Variants in LHFPL3 observed in about 807,000 individuals in gnomAD.
LHFPL3 encodes LHFPL tetraspan subfamily member 3.
A neutral mutation model predicts 19.3 loss-of-function variants in LHFPL3; 5 were observed. That is an observed-to-expected ratio of 0.26 (90% CI 0.14 to 0.54). The LOEUF is 0.54. Among genes scored for constraint, LHFPL3 ranks in the 20% least tolerant of loss-of-function variants. The pLI is 0.94. For missense variants in LHFPL3, 249 were observed against 307.4 expected (o/e 0.81, Z 1.42); for synonymous variants, 133 against 126.2 (o/e 1.05, Z -0.36).
At chr7:104,764,106 T>G (rs1166671575) in intron 2 of LHFPL3, among the ~76,000 whole-genome samples, 1 of 152,192 alleles carries the variant, frequency 6.6e-6, no homozygotes, top group Non-Finnish European at 1.5e-5. Flanking sequence ...TACAATGCAT[T>G]TTTAATTTTC....
chr7:104,811,166 C>CTTTCTTTTCT (rs1554346770), intron 2 of LHFPL3, among the ~76,000 whole-genome samples: 4 of 18,022 alleles, frequency 2.2e-4, no homozygotes, highest in Admixed American at 1.1e-3. Flanking sequence ...TTCTTTCTTT[C>CTTTCTTTTCT]TTTCTTTTCT....
intron 1 of LHFPL3, among the ~76,000 whole-genome samples, chr7:104,332,504 T>A (rs898547756): frequency 3.3e-5 from 5 of 152,166 alleles, no homozygotes; most frequent in Non-Finnish European, 7.4e-5. Flanking sequence ...GTGCTGGGAT[T>A]ACAGGCGTGA....
At chr7:104,461,027 CCTA>C (rs1167790161) in intron 1 of LHFPL3, among the ~76,000 whole-genome samples, 11 of 152,144 alleles carry the variant, frequency 7.2e-5, no homozygotes, top group African/African-American at 2.2e-4. Context: ...CTAATAAAGA[CCTA>C]CCAGAGAGTG....
At chr7:104,600,026 C>T (rs1790933335) in intron 1 of LHFPL3, among the ~76,000 whole-genome samples, 1 of 152,194 alleles carries the variant, frequency 6.6e-6, no homozygotes, top group Non-Finnish European at 1.5e-5. Flanking sequence ...TGCTAGAAGC[C>T]TCAGATGAGG....
At chr7:104,837,423 C>A (rs558954806) in intron 2 of LHFPL3, among the ~76,000 whole-genome samples, 6 of 152,270 alleles carry the variant, frequency 3.9e-5, no homozygotes, top group Admixed American at 6.5e-5. Context: ...ATCTTCCGCA[C>A]TAAACTATAT....
At chr7:104,678,518 A>C (rs965423131) in intron 1 of LHFPL3, among the ~76,000 whole-genome samples, 1 of 152,030 alleles carries the variant, frequency 6.6e-6, no homozygotes, top group Non-Finnish European at 1.5e-5. Flanking sequence ...TTTCCTGGCC[A>C]AACTTGGTGT....
chr7:104,763,071 T>A (rs2116376588), intron 2 of LHFPL3, among the ~76,000 whole-genome samples: 1 of 152,348 alleles, frequency 6.6e-6, no homozygotes, highest in African/African-American at 2.4e-5. Context: ...AATTCAGAAC[T>A]GTGATGATGC....
intron 2 of LHFPL3, among the ~76,000 whole-genome samples, chr7:104,839,687 A>T (rs1791159460): frequency 7.2e-6 from 1 of 139,212 alleles, no homozygotes; most frequent in African/African-American, 2.6e-5. Context: ...AAAAAAAAGA[A>T]AGAAAAAAAA....
At chr7:104,561,674 C>G (rs1297413851) in intron 1 of LHFPL3, among the ~76,000 whole-genome samples, 1 of 152,064 alleles carries the variant, frequency 6.6e-6, no homozygotes. Flanking sequence ...AGCATTTAGT[C>G]CATTTACATT....
intron 1 of LHFPL3, among the ~76,000 whole-genome samples, chr7:104,329,557 T>C (rs1801531983): frequency 6.6e-6 from 1 of 152,014 alleles, no homozygotes; most frequent in Non-Finnish European, 1.5e-5. Context: ...CTTAGAGAGA[T>C]GGGGCCGGGG....
intron 1 of LHFPL3, among the ~76,000 whole-genome samples, chr7:104,525,237 A>G (rs1489111037): frequency 6.6e-6 from 1 of 152,190 alleles, no homozygotes; most frequent in Non-Finnish European, 1.5e-5. Flanking sequence ...TTTTTAAACT[A>G]CTCATGTCAC....
At chr7:104,845,223 T>C (rs186942671) in intron 2 of LHFPL3, among the ~76,000 whole-genome samples, 35 of 152,332 alleles carry the variant, frequency 2.3e-4, no homozygotes, top group Non-Finnish European at 3.8e-4. Flanking sequence ...CTCAGGACTG[T>C]GATTTTCCTC....
At chr7:104,631,016 G>A (rs1286130111) in intron 1 of LHFPL3, among the ~76,000 whole-genome samples, 3 of 152,082 alleles carry the variant, frequency 2.0e-5, no homozygotes, top group Non-Finnish European at 2.9e-5. Flanking sequence ...CTAGAAATCT[G>A]CCTTTCAGAA....
chr7:104,406,237 T>C (rs1562887822), intron 1 of LHFPL3, among the ~76,000 whole-genome samples: 1 of 152,168 alleles, frequency 6.6e-6, no homozygotes, highest in Non-Finnish European at 1.5e-5. Flanking sequence ...CATTCCTGTT[T>C]GTCTGGAGAA....
At chr7:104,622,067 C>T (rs1387147650) in intron 1 of LHFPL3, among the ~76,000 whole-genome samples, 2 of 152,168 alleles carry the variant, frequency 1.3e-5, no homozygotes, top group African/African-American at 4.8e-5. Context: ...AATTGTGTTT[C>T]CAAAGTTGGC....
chr7:104,690,170 C>T (rs182886392), intron 1 of LHFPL3, among the ~76,000 whole-genome samples: 23 of 152,384 alleles, frequency 1.5e-4, no homozygotes, highest in Non-Finnish European at 2.2e-4. Flanking sequence ...TCTTGGAGAA[C>T]GACAGTGGGT....
chr7:104,808,423 T>G (rs567159640), intron 2 of LHFPL3, among the ~76,000 whole-genome samples: 1 of 152,328 alleles, frequency 6.6e-6, no homozygotes, highest in Admixed American at 6.5e-5. Context: ...GGCTGGGATT[T>G]GAACCTATGT....
At chr7:104,439,465 C>T (rs768742608) in intron 1 of LHFPL3, among the ~76,000 whole-genome samples, 3 of 152,010 alleles carry the variant, frequency 2.0e-5, no homozygotes. Flanking sequence ...TGGGGTTTAT[C>T]TCCAAAATGA....
At chr7:104,574,113 T>A (rs76633308) in intron 1 of LHFPL3, among the ~76,000 whole-genome samples, 2,128 of 152,296 alleles carry the variant, frequency 0.014, 44 homozygotes, top group African/African-American at 0.048. Flanking sequence ...CTGACAAAAT[T>A]AACAAATTAT....
Sources: gnomAD v4.1 joint callset for allele counts (sites outside exome capture counted in the v4.1 genomes callset) on GRCh38, gnomAD v4.1.1 for gene constraint, MANE v1.5 for transcripts, NCBI Gene and HGNC (gene_info 2026-07-23, HGNC 2026-07-21) for gene names.